XYLT1: variants seen among roughly 807,000 people sequenced by gnomAD.
XYLT1 encodes the protein xylosyltransferase 1, also known as beta-D-xylosyltransferase 1.
A neutral mutation model predicts 91.3 loss-of-function variants in XYLT1; 36 were observed. The observed-to-expected ratio is 0.39, with a 90% CI of 0.30 to 0.52. XYLT1 has a LOEUF of 0.52. Ranked by LOEUF, XYLT1 falls within the 20% of genes least tolerant of loss-of-function variation. The pLI, the probability that XYLT1 is intolerant of heterozygous loss-of-function variation, is 0.68. For synonymous variants in XYLT1, 588 were observed against 532.0 expected (o/e 1.11, Z -1.45); for missense variants, 1,242 against 1,284.5 (o/e 0.97, Z 0.51).
At chr16:17,141,488 T>G (rs2030973508) in intron 6 of XYLT1, 119 bp from the exon 7 acceptor site, 2 of 932,116 alleles carry the variant, frequency 2.1e-6, no homozygotes, top group East Asian at 5.3e-5. Context: ...GCCTGCTGTG[T>G]GCCAGGTACT....
At chr16:17,451,077 A>AT (rs1456483051) in intron 1 of XYLT1, among the ~76,000 whole-genome samples, 2 of 152,166 alleles carry the variant, frequency 1.3e-5, no homozygotes, top group Non-Finnish European at 2.9e-5. Flanking sequence ...GGACAGAGTG[A>AT]TTTTTGTCTT....
At chr16:17,422,244 TGGAATGCAGTAACATGATCATA>T (rs2036259643) in intron 1 of XYLT1, among the ~76,000 whole-genome samples, 1 of 152,096 alleles carries the variant, frequency 6.6e-6, no homozygotes, top group Non-Finnish European at 1.5e-5. Flanking sequence ...TCACCCAGGC[TGGAATGCAGTAACATGATCATA>T]GATCACTACA....
chr16:17,374,692 T>C (rs937278076), intron 1 of XYLT1, among the ~76,000 whole-genome samples: 2 of 149,240 alleles, frequency 1.3e-5, no homozygotes, highest in Admixed American at 1.3e-4. Context: ...TCAAAAAAAA[T>C]CTTTTTTCTG....
At chr16:17,216,219 C>T (rs1036187329) in intron 3 of XYLT1, among the ~76,000 whole-genome samples, 11 of 152,184 alleles carry the variant, frequency 7.2e-5, no homozygotes, top group Non-Finnish European at 1.5e-4. Flanking sequence ...TCAATAAATA[C>T]TGCCATGGAA....
In XYLT1 at chr16:17,153,913, A is replaced by G. The variant is rs571510586; in HGVS notation, c.1370+4916T>C. On this transcript the variant is annotated intron_variant, in intron 6 of 11. Coordinates refer to ENST00000261381, the MANE Select transcript of XYLT1 (RefSeq NM_022166.4). Reference sequence around the variant, plus strand: ...AGCGTAAACCTGCAGGTCCTCTCAAATGCAGTCACTATGGAGTAATAAAAG... The same window carrying G: ...AGCGTAAACCTGCAGGTCCTCTCAAGTGCAGTCACTATGGAGTAATAAAAG... Among the ~76,000 whole-genome samples, 6 of 152,298 alleles carry G rather than the reference A, an allele frequency of 3.9e-5. No individual in the cohort carries two copies. In the East Asian group the frequency reaches 9.7e-4, roughly 25 times the overall value.
intron 5 of XYLT1, among the ~76,000 whole-genome samples, chr16:17,177,799 A>C (rs1255396200): frequency 6.6e-6 from 1 of 152,174 alleles, no homozygotes; most frequent in East Asian, 1.9e-4. Context: ...GATTTATAGA[A>C]AGTACTAGAG....
intron 2 of XYLT1, among the ~76,000 whole-genome samples, chr16:17,294,264 C>T (rs551466180): frequency 2.0e-5 from 3 of 152,106 alleles, no homozygotes; most frequent in Admixed American, 6.5e-5. Flanking sequence ...TTCTGGGTAC[C>T]GCGGACAGGT....
chr16:17,428,751 G>A (rs981787575), intron 1 of XYLT1, among the ~76,000 whole-genome samples: 6 of 152,146 alleles, frequency 3.9e-5, no homozygotes, highest in Admixed American at 3.9e-4. Flanking sequence ...CACCAAACTA[G>A]GTCTCTTTTT....
intron 2 of XYLT1, among the ~76,000 whole-genome samples, chr16:17,283,966 TC>T (rs1417730331): frequency 2.6e-5 from 4 of 152,210 alleles, no homozygotes; most frequent in African/African-American, 9.6e-5. Context: ...ACCCGCCCAG[TC>T]AGAGAATAAA....
At chr16:17,369,119 C>T (rs971610697) in intron 1 of XYLT1, among the ~76,000 whole-genome samples, 1 of 141,600 alleles carries the variant, frequency 7.1e-6, no homozygotes, top group African/African-American at 2.6e-5. Flanking sequence ...GCATGGTGCA[C>T]AAAAATACTT....
At chr16:17,254,730 G>A (rs1266689317) in intron 3 of XYLT1, among the ~76,000 whole-genome samples, 1 of 152,084 alleles carries the variant, frequency 6.6e-6, no homozygotes, top group Non-Finnish European at 1.5e-5. Context: ...GTAAATAATG[G>A]AAGTAACATA....
intron 1 of XYLT1, among the ~76,000 whole-genome samples, chr16:17,434,882 A>AAAG (rs939448957): frequency 2.0e-5 from 3 of 152,094 alleles, no homozygotes; most frequent in Non-Finnish European, 4.4e-5. Context: ...AAAAAAAAAA[A>AAAG]AAGAAGAAGA....
chr16:17,150,812 C>T (rs570280153), intron 6 of XYLT1, among the ~76,000 whole-genome samples: 1 of 152,188 alleles, frequency 6.6e-6, no homozygotes, highest in South Asian at 2.1e-4. Context: ...AATAAAGAGA[C>T]AGGGACTTAA....
chr16:17,257,668 C>A (rs962395821), intron 3 of XYLT1, among the ~76,000 whole-genome samples: 1 of 152,200 alleles, frequency 6.6e-6, no homozygotes, highest in Admixed American at 6.5e-5. Flanking sequence ...TCTCTCTACT[C>A]TGAGTGGGTC....
intron 2 of XYLT1, among the ~76,000 whole-genome samples, chr16:17,307,967 T>C (rs1414520718): frequency 6.6e-6 from 1 of 152,290 alleles, no homozygotes; most frequent in Non-Finnish European, 1.5e-5. Flanking sequence ...AGAGACTTGC[T>C]ATTGGGTATT....
chr16:17,134,493 C>A lies in XYLT1; in HGVS notation c.2007G>T (p.Thr669=). The change falls in exon 9 of 12, where the codon ACG becomes ACT. Residue 669 remains threonine (T), a synonymous_variant. Coordinates refer to ENST00000261381, the MANE Select transcript of XYLT1 (RefSeq NM_022166.4). ...CTCACCGGCAGCTGTTCTCCCCATC[C>A]GTGTGCAGGGACGTCTCGGCCCGTC... ...GLRRAETSLH[T]DGENSCRYYP... is the part of the protein sequence containing the mutation. The A allele has an allele frequency of 5.0e-6, 8 of 1,614,106 alleles. No individual in the cohort carries two copies. Among genetic ancestry groups the A allele is most frequent in the Non-Finnish European group, 6.8e-6 (8 of 1,180,022 alleles).
At chr16:17,379,439 C>T (rs2035643020) in intron 1 of XYLT1, among the ~76,000 whole-genome samples, 1 of 152,164 alleles carries the variant, frequency 6.6e-6, no homozygotes, top group South Asian at 2.1e-4. Context: ...TGCCTGGGGG[C>T]AGAGACACCC....
chr16:17,117,571 G>A, intron 11 of XYLT1, 75 bp downstream of exon 11: 1 of 1,496,384 alleles, frequency 6.7e-7, no homozygotes, highest in Admixed American at 1.9e-5. Flanking sequence ...GAGCAGTGCT[G>A]CCTACCAACA....
At position 17,259,026 on chromosome 16, in the gene XYLT1, A is replaced by G; in HGVS notation, c.875T>C (p.Leu292Pro). ...ETYCRHKLGL[L>P]MPEKVTRFCP... is the part of the protein sequence containing the mutation. Reference sequence around the variant, plus strand: ...GAACCGAGTCACCTTCTCAGGCATCAGCAGCCCTAACTTGTGGCGGCAGTA... The same window carrying G: ...GAACCGAGTCACCTTCTCAGGCATCGGCAGCCCTAACTTGTGGCGGCAGTA... The change falls in exon 3 of 12, where the codon CTG becomes CCG. Residue 292 changes from leucine (L) to proline (P), a missense_variant. Transcript: ENST00000261381. 2.0e-6 allele frequency: 3 copies of G among 1,511,412 alleles called. No individual in the cohort carries two copies. Among genetic ancestry groups the G allele is most frequent in the Non-Finnish European group, 2.7e-6 (3 of 1,129,932 alleles). The allele number at this position is 1,511,412 out of a possible 1,614,324, so 93.6% of individuals were successfully genotyped here. A position where few individuals can be genotyped will look rare whatever the true frequency, so the allele number is the denominator to read the frequency against.
Sources: allele counts gnomAD v4.1 joint callset (sites outside exome capture counted in the v4.1 genomes callset), GRCh38; gene constraint gnomAD v4.1.1; transcripts MANE v1.5; gene names NCBI Gene and HGNC (gene_info 2026-07-23, HGNC 2026-07-21).